Variants in RRAS2 observed in about 807,000 individuals in gnomAD.
The protein encoded by RRAS2 is ras-related protein R-Ras2.
A neutral mutation model predicts 27.6 loss-of-function variants in RRAS2; 7 were observed. The observed-to-expected ratio is 0.25, with a 90% CI of 0.14 to 0.48. The LOEUF is 0.48. RRAS2 is among the 20% of genes least tolerant of loss of function. The pLI, the probability that RRAS2 is intolerant of heterozygous loss-of-function variation, is 0.99. For missense variants in RRAS2, 178 were observed against 256.2 expected, an observed-to-expected ratio of 0.69 and a Z score of 2.08; for synonymous variants, 86 against 90.9, an observed-to-expected ratio of 0.95 and a Z score of 0.31.
At position 14,359,141 on chromosome 11, in the gene RRAS2, G is replaced by A. The variant is rs1441767845; in HGVS notation, c.-271C>T. On this transcript the variant is annotated 5_prime_UTR_variant, in exon 1 of 6. Transcript: ENST00000256196. ...GCGCTCCTCTACGCGTCTCCGCAGC[G>A]CCTGCCGAACGCAGCCTCCAGCGCC... 1.2e-5 allele frequency: 12 copies of A among 1,030,088 alleles called. No individual in the cohort carries two copies. Among genetic ancestry groups the A allele is most frequent in the Non-Finnish European group, 1.4e-5 (12 of 859,992 alleles). The allele number at this position is 1,030,088 out of a possible 1,614,324, so 63.8% of individuals were successfully genotyped here.
At chr11:14,329,016 T>C (rs1848428669) in intron 1 of RRAS2, among the ~76,000 whole-genome samples, 1 of 19,430 alleles carries the variant, frequency 5.1e-5, no homozygotes, top group African/African-American at 1.2e-4. Flanking sequence ...TGTGTGTATA[T>C]ATATATATAT....
At chr11:14,319,015 G>A (rs1451485418) in intron 1 of RRAS2, among the ~76,000 whole-genome samples, 1 of 152,196 alleles carries the variant, frequency 6.6e-6, no homozygotes, top group Non-Finnish European at 1.5e-5. Context: ...TCATACAGGT[G>A]AGGAAAGACT....
At chr11:14,312,836 C>G (rs184456741) in intron 1 of RRAS2, among the ~76,000 whole-genome samples, 1 of 152,142 alleles carries the variant, frequency 6.6e-6, no homozygotes, top group Non-Finnish European at 1.5e-5. Context: ...CCTAATAATA[C>G]GAAGAACTAA....
Position 14,358,782 on chromosome 11 carries a change from A to G in RRAS2, c.89T>C (p.Leu30Pro). 2 of 1,471,180 alleles carry G rather than the reference A, an allele frequency of 1.4e-6. No homozygotes were observed. The highest frequency in any genetic ancestry group is 1.8e-6 in the Non-Finnish European group (2 of 1,102,676). 91.1% of individuals were successfully genotyped at this position (1,471,180 alleles called of 1,614,324 possible). A position where few individuals can be genotyped will look rare whatever the true frequency, so the allele number is the denominator to read the frequency against. Residue 30 changes from leucine to proline, a missense_variant, in exon 1 of 6, where the codon CTC becomes CCC. Leu to Pro is a moderately conservative substitution (Grantham distance 98). Coordinates refer to ENST00000256196, the MANE Select transcript of RRAS2 (RefSeq NM_012250.6). The surrounding 1 kb of genome is among the most constrained non-coding windows in gnomAD (Gnocchi z 5.1). Reference protein sequence around the residue: ...VGGGGVGKSALTIQFIQSYFV... With the variant: ...VGGGGVGKSAPTIQFIQSYFV... ...AGGTACCTGGATGAACTGGATGGTG[A>G]GCGCCGACTTGCCCACGCCGCCCCC... is the stretch of plus-strand genomic sequence containing the variant.
intron 4 of RRAS2, among the ~76,000 whole-genome samples, chr11:14,292,135 T>C (rs948587605): frequency 6.6e-6 from 1 of 152,190 alleles, no homozygotes; most frequent in Admixed American, 6.5e-5. Context: ...AGATTTCAGA[T>C]TTTTGGGCTA....
At chr11:14,360,001 T>C (rs1273697879), upstream of RRAS2, among the ~76,000 whole-genome samples, 1 of 152,122 alleles carries the variant, frequency 6.6e-6, no homozygotes, top group Admixed American at 6.5e-5. Flanking sequence ...TTGGAACCAG[T>C]AGAATGCAGC....
upstream of RRAS2, among the ~76,000 whole-genome samples, chr11:14,360,157 G>A (rs1196396195): frequency 2.0e-5 from 3 of 151,008 alleles, no homozygotes; most frequent in African/African-American, 7.3e-5. Context: ...AGGCATGCCA[G>A]TCGAAGTCTG....
intron 1 of RRAS2, chr11:14,337,106 A>G (rs1188561618): frequency 1.3e-5 from 2 of 152,230 alleles, no homozygotes; most frequent in African/African-American, 4.8e-5. Flanking sequence ...TACCTTGCTT[A>G]TCCCCAGTTT....
chr11:14,317,743 C>G (rs1411616215), intron 1 of RRAS2, among the ~76,000 whole-genome samples: 1 of 152,144 alleles, frequency 6.6e-6, no homozygotes, highest in African/African-American at 2.4e-5. Flanking sequence ...TGATCTTTCC[C>G]TACAAAACAA....
rs556919269 is a variant in RRAS2, at chr11:14,330,680, T to C, written c.108+28083A>G. Among the ~76,000 whole-genome samples, 104 of 152,288 alleles carry C rather than the reference T, an allele frequency of 6.8e-4. 1 individual carries two copies. Among genetic ancestry groups the C allele is most frequent in the African/African-American group, 2.2e-3 (91 of 41,574 alleles). On this transcript the variant is annotated intron_variant, in intron 1 of 5. Transcript: ENST00000256196. ...AAAAAAATTTTTTTTTCAGATGATA[T>C]AAATATTCAAACGAAAAAGGCTGTA...
chr11:14,296,828 A>AG (rs1178667463), intron 1 of RRAS2, among the ~76,000 whole-genome samples: 69 of 151,582 alleles, frequency 4.6e-4, no homozygotes, highest in Middle Eastern at 3.4e-3. Flanking sequence ...CATAAAAAAA[A>AG]GGGGGGGGAC....
rs544662808 is a variant in RRAS2, at chr11:14,295,608, C to T, written c.196+160G>A. 4.6e-5 allele frequency among the ~76,000 whole-genome samples: 7 copies of T among 152,260 alleles called. No homozygotes were observed. In the South Asian group the frequency reaches 8.3e-4, roughly 18 times the overall value. On this transcript the variant is annotated intron_variant, in intron 2 of 5. Coordinates refer to ENST00000256196, the MANE Select transcript of RRAS2 (RefSeq NM_012250.6). ...CATTTATTGAGGAATATTTAAATTA[C>T]CCATTATGCAGACTCTTCAATCAAA...
At chr11:14,322,417 G>A (rs1554950405) in intron 1 of RRAS2, among the ~76,000 whole-genome samples, 1 of 151,730 alleles carries the variant, frequency 6.6e-6, no homozygotes, top group East Asian at 1.9e-4. Context: ...TCCAGCCTGG[G>A]TGACAATGTG....
chr11:14,298,840 G>A (rs1177384201), intron 1 of RRAS2, among the ~76,000 whole-genome samples: 1 of 152,162 alleles, frequency 6.6e-6, no homozygotes, highest in African/African-American at 2.4e-5. Context: ...ATATCCCTAA[G>A]AGCATTCACT....
intron 1 of RRAS2, among the ~76,000 whole-genome samples, chr11:14,316,814 G>A (rs1233922768): frequency 6.6e-6 from 1 of 152,156 alleles, no homozygotes; most frequent in African/African-American, 2.4e-5. Flanking sequence ...CCCGAAAATT[G>A]TTACATTGTA....
chr11:14,289,617 A>T (rs573806433), intron 4 of RRAS2, among the ~76,000 whole-genome samples: 2 of 152,334 alleles, frequency 1.3e-5, no homozygotes, highest in Non-Finnish European at 1.5e-5. Flanking sequence ...AATTCTACAG[A>T]TATCTTTTTA....
rs567416519 is a variant in RRAS2, at chr11:14,300,961, A to C, written c.109-5106T>G. On this transcript the variant is annotated intron_variant, in intron 1 of 5. Coordinates refer to ENST00000256196, the MANE Select transcript of RRAS2 (RefSeq NM_012250.6). ...ATTTACTGGAAATTCTAGGAAACTC[A>C]GTGAATCCAGCACACTGGTTAAGTC... Among the ~76,000 whole-genome samples the C allele has an allele frequency of 1.2e-4, 19 of 152,320 alleles. No homozygotes were observed. In the South Asian group the frequency reaches 3.9e-3, roughly 32 times the overall value.
At chr11:14,280,394 T>A (rs1441832161) in intron 5 of RRAS2, among the ~76,000 whole-genome samples, 1 of 151,986 alleles carries the variant, frequency 6.6e-6, no homozygotes, top group South Asian at 2.1e-4. Context: ...AGCTAATAAG[T>A]AGAAGATCAT....
chr11:14,326,610 T>C (rs1848362324), intron 1 of RRAS2, among the ~76,000 whole-genome samples: 1 of 152,198 alleles, frequency 6.6e-6, no homozygotes, highest in African/African-American at 2.4e-5. Flanking sequence ...ACCAGCTGAC[T>C]TGACAAAATT....
Sources: allele counts gnomAD v4.1 joint callset (sites outside exome capture counted in the v4.1 genomes callset), GRCh38; gene constraint gnomAD v4.1.1; non-coding constraint Gnocchi (gnomAD v3.1); transcripts MANE v1.5; gene names NCBI Gene and HGNC (gene_info 2026-07-23, HGNC 2026-07-21).